AGAP3: variants seen among roughly 807,000 people sequenced by gnomAD.
AGAP3 encodes arf-GAP with GTPase, ANK repeat and PH domain-containing protein 3.
AGAP3 carries 24 observed loss-of-function variants against 96.9 expected under a neutral mutation model. The observed-to-expected ratio is 0.25, with a 90% confidence interval of 0.18 to 0.35. The LOEUF is 0.35. AGAP3 is among the 10% of genes least tolerant of loss of function. The probability of loss-of-function intolerance (pLI) is 1.00; values close to 1 mark genes in which losing one functional copy is unlikely to be tolerated. For missense variants in AGAP3, 876 were observed against 1,254.2 expected, an observed-to-expected ratio of 0.70 and a Z score of 4.55; for synonymous variants, 563 against 536.1, an observed-to-expected ratio of 1.05 and a Z score of -0.69.
chr7:151,130,975 A>G (rs1015170492), intron 10 of AGAP3: 1 of 152,290 alleles, frequency 6.6e-6, no homozygotes, highest in Non-Finnish European at 1.5e-5. Context: ...GGGCTCTTCA[A>G]ACCCTAAACC....
chr7:151,104,444 C>T (rs1423290146), intron 1 of AGAP3, among the ~76,000 whole-genome samples: 4 of 152,040 alleles, frequency 2.6e-5, no homozygotes, highest in Non-Finnish European at 4.4e-5. Flanking sequence ...ATTAAGAAAA[C>T]GATTTGAAAA....
chr7:151,132,860 TC>T (rs1800451958), intron 10 of AGAP3, among the ~76,000 whole-genome samples: 1 of 152,190 alleles, frequency 6.6e-6, no homozygotes. Context: ...TGGTGAGACT[TC>T]CTGCCCTTCC....
At chr7:151,087,778 G>A (rs1282588270) in intron 1 of AGAP3, among the ~76,000 whole-genome samples, 2 of 152,256 alleles carry the variant, frequency 1.3e-5, no homozygotes, top group Non-Finnish European at 2.9e-5. Context: ...GGAAACCCCC[G>A]GCCACTGCGC....
chr7:151,107,459 A>G (rs1799103759), intron 1 of AGAP3, among the ~76,000 whole-genome samples: 1 of 152,014 alleles, frequency 6.6e-6, no homozygotes, highest in South Asian at 2.1e-4. Flanking sequence ...AGCGGTCTCT[A>G]CAAAAAAAAT....
chr7:151,088,948 G>A (rs1207713046), intron 1 of AGAP3, among the ~76,000 whole-genome samples: 5 of 152,088 alleles, frequency 3.3e-5, no homozygotes, highest in African/African-American at 9.7e-5. Flanking sequence ...CCTCACCCTC[G>A]TGAAATCCCG....
rs1244270820 is a variant in AGAP3, at chr7:151,142,368, T to C, written c.2051-44T>C. On this transcript the variant is annotated intron_variant, in intron 15 of 17. Coordinates refer to ENST00000397238, the MANE Select transcript of AGAP3 (RefSeq NM_031946.7). The surrounding 1 kb of genome is among the most constrained non-coding windows in gnomAD (Gnocchi z 7.5). ...CTTCCCTAGTTGTCCCGCGCTCTGG[T>C]GGCCTGCCTGCTGTCGCTGTATCAT... 4 of 1,601,894 alleles carry C rather than the reference T, an allele frequency of 2.5e-6. No individual in the cohort carries two copies. Among genetic ancestry groups the C allele is most frequent in the Admixed American group, 3.3e-5 (2 of 59,858 alleles).
Position 151,087,030 on chromosome 7 carries a change from G to T in AGAP3, c.289G>T (p.Ala97Ser). The T allele has an allele frequency of 1.2e-6, 2 of 1,612,540 alleles. No homozygotes were observed. Among genetic ancestry groups the T allele is most frequent in the Non-Finnish European group, 1.7e-6 (2 of 1,179,332 alleles). ...YDLIERIEDL[A>S]LQNQIREHVI... is the part of the protein sequence containing the mutation. ...CCTGATCGAGCGCATCGAGGATTTG[G>T]CGCTGCAGAACCAGATCCGGGAGCA... Residue 97 changes from alanine (A) to serine (S), a missense_variant, in exon 1 of 18, where the codon GCG becomes TCG. Coordinates refer to ENST00000397238, the MANE Select transcript of AGAP3 (RefSeq NM_031946.7).
Position 151,096,775 on chromosome 7 carries a change from ATTTTC to A in AGAP3, c.331+9717_331+9721del, listed in dbSNP as rs1290573709. On this transcript the variant is annotated intron_variant, in intron 1 of 17. Transcript: ENST00000397238. The surrounding 1 kb of genome is among the most constrained non-coding windows in gnomAD (Gnocchi z 4.4). Reference sequence around the variant, plus strand: ...GCATGAGCCACTGCGCCTGGCCTAAATTTTCTTTTCTTTTCTTTAACGAGACAGAG... The same window carrying A: ...GCATGAGCCACTGCGCCTGGCCTAAATTTTCTTTTCTTTAACGAGACAGAG... Among the ~76,000 whole-genome samples, 4 of 140,476 alleles carry A rather than the reference ATTTTC, an allele frequency of 2.8e-5. No individual in the cohort carries two copies. Among genetic ancestry groups the A allele is most frequent in the African/African-American group, 8.1e-5 (3 of 37,266 alleles). The allele number at this position is 140,476 out of a possible 152,430, so 92.2% of individuals were successfully genotyped here. A position where few individuals can be genotyped will look rare whatever the true frequency, so the allele number is the denominator to read the frequency against.
Position 151,118,670 on chromosome 7 carries a change from CCAT to C in AGAP3, c.969+39_969+41del. 6.2e-7 allele frequency: 1 copy of C among 1,601,872 alleles called. No homozygotes were observed. Among genetic ancestry groups the C allele is most frequent in the Non-Finnish European group, 8.5e-7 (1 of 1,175,780 alleles). On this transcript the variant is annotated intron_variant, in intron 7 of 17. Transcript: ENST00000397238. The surrounding 1 kb of genome is among the most constrained non-coding windows in gnomAD (Gnocchi z 6.1). ...CCCCGCCCTGCCCTTCCTGTCCCCA[CCAT>C]GTCTGTCTTGCCTCTGTGCGTCCTG...
At chr7:151,137,489 C>G (rs1445718501) in intron 11 of AGAP3, among the ~76,000 whole-genome samples, 1 of 152,218 alleles carries the variant, frequency 6.6e-6, no homozygotes, top group Non-Finnish European at 1.5e-5. Context: ...TTCCCAGAAT[C>G]TCTCCAGCAG....
At position 151,114,625 on chromosome 7, in the gene AGAP3, C is replaced by T; in HGVS notation, c.332-2168C>T. On this transcript the variant is annotated intron_variant, in intron 1 of 17. Transcript: ENST00000397238. The surrounding 1 kb of genome is among the most constrained non-coding windows in gnomAD (Gnocchi z 4.4). ...GCCTCTCCAGGTCTGGGCTTGCCGG[C>T]CGCGAGGTGGAGGAGTTGAGGGACT... 1 of 788,328 alleles carries T rather than the reference C, an allele frequency of 1.3e-6. No individual in the cohort carries two copies. The highest frequency in any genetic ancestry group is 1.5e-6 in the Non-Finnish European group (1 of 648,184). 48.8% of individuals were successfully genotyped at this position (788,328 alleles called of 1,614,324 possible).
rs1800877393 is a variant in AGAP3, at chr7:151,142,941, G to A, written c.2273+307G>A. ...GAGCTCTGAGATGGGGAGAATGGGT[G>A]AGAGATAGGGGAGTGTGTGGCCCCC... On this transcript the variant is annotated intron_variant, in intron 16 of 17. Coordinates refer to ENST00000397238, the MANE Select transcript of AGAP3 (RefSeq NM_031946.7). The surrounding 1 kb of genome is among the most constrained non-coding windows in gnomAD (Gnocchi z 7.5). 6.6e-6 allele frequency among the ~76,000 whole-genome samples: 1 copy of A among 152,216 alleles called. No individual in the cohort carries two copies. The highest frequency in any genetic ancestry group is 1.5e-5 in the Non-Finnish European group (1 of 68,040).
chr7:151,128,099 A>G (rs1042883201), intron 9 of AGAP3, among the ~76,000 whole-genome samples: 1 of 152,072 alleles, frequency 6.6e-6, no homozygotes, highest in Non-Finnish European at 1.5e-5. Flanking sequence ...CTGCCCTCTT[A>G]TGGAGCTACC....
At position 151,142,068 on chromosome 7, in the gene AGAP3, C is replaced by A. The variant is rs1434661140; in HGVS notation, c.1959+16C>A. The A allele has an allele frequency of 6.2e-7, 1 of 1,610,364 alleles. No individual in the cohort carries two copies. Among genetic ancestry groups the A allele is most frequent in the Non-Finnish European group, 8.5e-7 (1 of 1,177,540 alleles). On this transcript the variant is annotated intron_variant, in intron 14 of 17. Coordinates refer to ENST00000397238, the MANE Select transcript of AGAP3 (RefSeq NM_031946.7). The surrounding 1 kb of genome is among the most constrained non-coding windows in gnomAD (Gnocchi z 7.5). ...CAAGGACAAGGTGGGTACAGAGTGA[C>A]TGGGCCCACACAGAGCACCTGGCTG...
At chr7:151,115,910 T>C (rs1799556146) in intron 1 of AGAP3, among the ~76,000 whole-genome samples, 1 of 152,112 alleles carries the variant, frequency 6.6e-6, no homozygotes, top group South Asian at 2.1e-4. Flanking sequence ...CCTTTCCTAG[T>C]TCCCTGTCGG....
At position 151,142,219 on chromosome 7, in the gene AGAP3, C is replaced by T. The variant is rs577871650; in HGVS notation, c.2016C>T (p.Arg672=). The T allele has an allele frequency of 1.6e-5, 26 of 1,613,592 alleles. No homozygotes were observed. In the Admixed American group the frequency reaches 2.7e-4, roughly 17 times the overall value. ...CTGTGCAGGCCGTCCGCACCGTCCG[C>T]GGCAACAGCTTTTGTATCGACTGCG... is the stretch of plus-strand genomic sequence containing the variant. ...ALAVQAVRTV[R]GNSFCIDCDA... is the part of the protein sequence containing the mutation. Residue 672 remains arginine (R), a synonymous_variant, in exon 15 of 18, where the codon CGC becomes CGT. Transcript: ENST00000397238. The surrounding 1 kb of genome is among the most constrained non-coding windows in gnomAD (Gnocchi z 7.5).
chr7:151,116,506 ACCTGCTGG>A, intron 1 of AGAP3: 1 of 500,188 alleles, frequency 2.0e-6, no homozygotes, highest in South Asian at 2.7e-5. Context: ...GGGACAATAA[ACCTGCTGG>A]AGCAGGAAGA....
chr7:151,110,394 C>A lies in AGAP3; in HGVS notation c.332-6399C>A, dbSNP rs73476747. Among the ~76,000 whole-genome samples, 1,400 of 152,254 alleles carry A rather than the reference C, an allele frequency of 9.2e-3. 18 individuals are homozygous for A. Among genetic ancestry groups the A allele is most frequent in the African/African-American group, 0.032 (1,316 of 41,524 alleles). ...GGATGCTTCAGCCACGGTCCAAATGCCTTCAGGGACAAGCAGGGCAGAGGC... is the reference window on the plus strand; with the variant it reads ...GGATGCTTCAGCCACGGTCCAAATGACTTCAGGGACAAGCAGGGCAGAGGC... On this transcript the variant is annotated intron_variant, in intron 1 of 17. Transcript: ENST00000397238.
chr7:151,124,188 C>T (rs1271020556), intron 9 of AGAP3, among the ~76,000 whole-genome samples: 2 of 152,204 alleles, frequency 1.3e-5, no homozygotes, highest in Non-Finnish European at 1.5e-5. Context: ...GGAGTTGGGT[C>T]TGGAGAGGGT....
Sources: allele counts gnomAD v4.1 joint callset (sites outside exome capture counted in the v4.1 genomes callset), GRCh38; gene constraint gnomAD v4.1.1; non-coding constraint Gnocchi (gnomAD v3.1); transcripts MANE v1.5; gene names NCBI Gene and HGNC (gene_info 2026-07-23, HGNC 2026-07-21).